The following GHR variants were observed in gnomAD, a reference collection of about 807,000 sequenced individuals.
GHR encodes the protein GH receptor.
A neutral mutation model predicts 67.1 loss-of-function variants in GHR; 35 were observed. The observed-to-expected ratio is 0.52, with a 90% CI of 0.40 to 0.69. The LOEUF is 0.69. GHR is among the 30% of genes least tolerant of loss of function. GHR has a pLI of 0.00. For missense variants in GHR, 792 were observed against 764.6 expected, an observed-to-expected ratio of 1.04 and a Z score of -0.42; for synonymous variants, 272 against 269.1, an observed-to-expected ratio of 1.01 and a Z score of -0.10.
At chr5:42,602,350 C>G (rs935539987) in intron 2 of GHR, among the ~76,000 whole-genome samples, 2 of 152,116 alleles carry the variant, frequency 1.3e-5, no homozygotes, top group Admixed American at 6.5e-5. Context: ...GGGGGCCGTA[C>G]CATTTGCATG....
chr5:42,477,388 T>C (rs1579779041), intron 1 of GHR, among the ~76,000 whole-genome samples: 2 of 152,286 alleles, frequency 1.3e-5, no homozygotes, highest in African/African-American at 4.8e-5. Flanking sequence ...ATCCTTTGGG[T>C]ATATACCCCA....
At chr5:42,586,548 G>T (rs1751485626) in intron 2 of GHR, among the ~76,000 whole-genome samples, 1 of 152,202 alleles carries the variant, frequency 6.6e-6, no homozygotes, top group Non-Finnish European at 1.5e-5. Context: ...TATGCTTTTA[G>T]GAGAGAAGTT....
chr5:42,644,438 G>A (rs1754629554), intron 3 of GHR, among the ~76,000 whole-genome samples: 1 of 152,044 alleles, frequency 6.6e-6, no homozygotes, highest in African/African-American at 2.4e-5. Context: ...TGCAATAACA[G>A]CAACAAAGTT....
chr5:42,536,677 A>C (rs574742465), intron 1 of GHR, among the ~76,000 whole-genome samples: 1 of 152,140 alleles, frequency 6.6e-6, no homozygotes, highest in African/African-American at 2.4e-5. Flanking sequence ...TGCTGGCTTC[A>C]TAGAATGGAT....
chr5:42,717,932 A>C, intron 8 of GHR, 120 bp from the exon 9 acceptor site: 1 of 664,528 alleles, frequency 1.5e-6, no homozygotes, highest in Non-Finnish European at 2.8e-6. Flanking sequence ...CCAATTATAT[A>C]AAGTACCAGA....
intron 1 of GHR, among the ~76,000 whole-genome samples, chr5:42,560,753 C>A (rs944081197): frequency 5.3e-5 from 8 of 152,180 alleles, no homozygotes; most frequent in Non-Finnish European, 1.2e-4. Flanking sequence ...CTCCTGCTAA[C>A]CAACTCAGAT....
At chr5:42,479,671 G>A (rs1291831014) in intron 1 of GHR, among the ~76,000 whole-genome samples, 17 of 152,252 alleles carry the variant, frequency 1.1e-4, no homozygotes, top group Admixed American at 6.5e-4. Context: ...GTTTATTTGC[G>A]TAAAGGTGTT....
chr5:42,485,917 A>C (rs1273640829), intron 1 of GHR, among the ~76,000 whole-genome samples: 1 of 152,032 alleles, frequency 6.6e-6, no homozygotes, highest in Non-Finnish European at 1.5e-5. Context: ...TGAAGTCCAT[A>C]CTCTACCCCC....
intron 2 of GHR, among the ~76,000 whole-genome samples, chr5:42,587,830 C>T (rs556268381): frequency 1.1e-4 from 17 of 152,190 alleles, no homozygotes; most frequent in Admixed American, 9.2e-4. Flanking sequence ...GTTCCCTGTC[C>T]ACCATCACCT....
At position 42,507,589 on chromosome 5, in the gene GHR, A is replaced by C. The variant is rs527675095; in HGVS notation, c.-11-58275A>C. 3.9e-5 allele frequency among the ~76,000 whole-genome samples: 6 copies of C among 152,336 alleles called. No homozygotes were observed. The East Asian group carries it at 1.2e-3, about 29-fold the overall frequency. ...ACACACAATCTAACTCAGAAGTTTCAAGAGACTTCAAGGGGAAATGTACAG... is the reference window on the plus strand; with the variant it reads ...ACACACAATCTAACTCAGAAGTTTCCAGAGACTTCAAGGGGAAATGTACAG... On this transcript the variant is annotated intron_variant, in intron 1 of 9. Coordinates refer to ENST00000230882, the MANE Select transcript of GHR (RefSeq NM_000163.5).
chr5:42,707,933 A>T (rs139454839), intron 6 of GHR, among the ~76,000 whole-genome samples: 1 of 152,148 alleles, frequency 6.6e-6, no homozygotes, highest in East Asian at 1.9e-4. Context: ...GCATATTACC[A>T]TGAAAATATT....
chr5:42,587,094 AAGTTTGGC>A (rs72188699), intron 2 of GHR, among the ~76,000 whole-genome samples: 26,051 of 151,898 alleles, frequency 0.17, 2,454 homozygotes, highest in Non-Finnish European at 0.19. Flanking sequence ...AGACATTTGT[AAGTTTGGC>A]AGCAAGCATT....
At chr5:42,650,326 G>A (rs954021780) in intron 3 of GHR, among the ~76,000 whole-genome samples, 1 of 151,986 alleles carries the variant, frequency 6.6e-6, no homozygotes. Context: ...GGATTTGCAA[G>A]CAAGGACAGG....
At chr5:42,545,334 T>C (rs573280388) in intron 1 of GHR, among the ~76,000 whole-genome samples, 1 of 152,308 alleles carries the variant, frequency 6.6e-6, no homozygotes, top group Admixed American at 6.5e-5. Context: ...AATTGGCAGG[T>C]ACTTGAGAGT....
At position 42,473,975 on chromosome 5, in the gene GHR, G is replaced by A. The variant is rs559223883; in HGVS notation, c.-12+50020G>A. Among the ~76,000 whole-genome samples, 107 of 139,336 alleles carry A rather than the reference G, an allele frequency of 7.7e-4. 1 individual carries two copies. The South Asian group carries it at 0.015, about 20-fold the overall frequency. The allele number at this position is 139,336 out of a possible 152,430, so 91.4% of individuals were successfully genotyped here. A position where few individuals can be genotyped will look rare whatever the true frequency, so the allele number is the denominator to read the frequency against. ...GGCCAAGGTGAGTGGATCACTTGAGGTCAGGAGTTCAAAACCAGCTTGGCC... is the reference window on the plus strand; with the variant it reads ...GGCCAAGGTGAGTGGATCACTTGAGATCAGGAGTTCAAAACCAGCTTGGCC... On this transcript the variant is annotated intron_variant, in intron 1 of 9. Transcript: ENST00000230882.
At chr5:42,646,467 C>G in intron 3 of GHR, 1 of 343,072 alleles carries the variant, frequency 2.9e-6, no homozygotes, top group Non-Finnish European at 5.8e-6. Flanking sequence ...TTTTATTTAC[C>G]CAGGTAAATA....
chr5:42,498,382 G>A (rs1300967306), intron 1 of GHR, among the ~76,000 whole-genome samples: 1 of 152,172 alleles, frequency 6.6e-6, no homozygotes, highest in African/African-American at 2.4e-5. Flanking sequence ...TTGTTGACTG[G>A]ATTGACTACT....
intron 1 of GHR, chr5:42,468,821 G>C: frequency 9.8e-7 from 1 of 1,020,020 alleles, no homozygotes; most frequent in Non-Finnish European, 1.4e-6. Context: ...TGGTCGAATC[G>C]GTTGGTGACC....
chr5:42,620,880 G>C (rs1273617552), intron 2 of GHR, among the ~76,000 whole-genome samples: 1 of 152,104 alleles, frequency 6.6e-6, no homozygotes, highest in African/African-American at 2.4e-5. Flanking sequence ...TAAGGGAAGA[G>C]ATAGTCACTT....
Sources: gnomAD v4.1 joint callset for allele counts (sites outside exome capture counted in the v4.1 genomes callset) on GRCh38, gnomAD v4.1.1 for gene constraint, MANE v1.5 for transcripts, NCBI Gene and HGNC (gene_info 2026-07-23, HGNC 2026-07-21) for gene names.